TASP1: variants seen among roughly 807,000 people sequenced by gnomAD.
TASP1 encodes threonine aspartase 1.
A neutral mutation model predicts 56.6 loss-of-function variants in TASP1; 16 were observed. The observed-to-expected ratio is 0.28, with a 90% CI of 0.19 to 0.43. The LOEUF is 0.43. TASP1 is among the 20% of genes least tolerant of loss of function. The probability of loss-of-function intolerance (pLI) is 1.00; values close to 1 mark genes in which losing one functional copy is unlikely to be tolerated. For synonymous variants in TASP1, 179 were observed against 184.2 expected (o/e 0.97, Z 0.23); for missense variants, 393 against 511.6 (o/e 0.77, Z 2.24).
chr20:13,419,072 A>T (rs1216072987), intron 12 of TASP1, among the ~76,000 whole-genome samples: 3 of 152,228 alleles, frequency 2.0e-5, no homozygotes, highest in Non-Finnish European at 4.4e-5. Context: ...AAGTTGGAAA[A>T]GGGACTCTGG....
the TASP1 span, among the ~76,000 whole-genome samples, chr20:13,173,918 T>G: frequency 1.3e-5 from 2 of 152,320 alleles, no homozygotes; most frequent in South Asian, 4.1e-4. Flanking sequence ...GCACCTTCCC[T>G]GATGCATGTT....
In TASP1 at chr20:13,424,876, C is replaced by T. The variant is rs373953436; in HGVS notation, c.1097-7355G>A. ...AGGTTTAACATGTGAAACATAGACA[C>T]AGAGATTTGGCACAATTCTTCTCCA... On this transcript the variant is annotated intron_variant, in intron 12 of 13. Transcript: ENST00000337743. 3.3e-5 allele frequency among the ~76,000 whole-genome samples: 5 copies of T among 152,160 alleles called. No homozygotes were observed. The East Asian group carries it at 5.8e-4, about 18-fold the overall frequency.
At chr20:13,605,564 C>T (rs1168759042) in intron 4 of TASP1, among the ~76,000 whole-genome samples, 3 of 151,922 alleles carry the variant, frequency 2.0e-5, no homozygotes, top group African/African-American at 7.3e-5. Flanking sequence ...CCTGTAGTCC[C>T]AGCTGCTCGG....
intron 5 of TASP1, among the ~76,000 whole-genome samples, chr20:13,581,532 T>A (rs1266098039): frequency 6.6e-6 from 1 of 151,998 alleles, no homozygotes; most frequent in Non-Finnish European, 1.5e-5. Context: ...TGGGTAAGGG[T>A]GGGAGAAGAG....
At chr20:13,298,764 G>T in the TASP1 span, among the ~76,000 whole-genome samples, 94,679 of 151,992 alleles carry the variant, frequency 0.62, 30,455 homozygotes, top group African/African-American at 0.8. Flanking sequence ...TTCTGATGGT[G>T]CCAGGGGGCT....
chr20:13,217,665 A>G, the TASP1 span, among the ~76,000 whole-genome samples: 2 of 152,332 alleles, frequency 1.3e-5, no homozygotes, highest in Non-Finnish European at 2.9e-5. Flanking sequence ...ACTCCTAGGA[A>G]AGGTAATCTA....
chr20:13,250,590 C>G, the TASP1 span, among the ~76,000 whole-genome samples: 1 of 152,156 alleles, frequency 6.6e-6, no homozygotes, highest in Non-Finnish European at 1.5e-5. Context: ...GGACCCTTCC[C>G]CAGACTCCCT....
intron 4 of TASP1, among the ~76,000 whole-genome samples, chr20:13,598,114 A>G (rs530154809): frequency 2.8e-3 from 426 of 152,324 alleles, no homozygotes; most frequent in African/African-American, 9.7e-3. Context: ...TGCCCAAGGT[A>G]ATTTATAGAT....
At chr20:13,343,528 G>GCGGTTCCAC in the TASP1 span, among the ~76,000 whole-genome samples, 1,884 of 152,158 alleles carry the variant, frequency 0.012, 36 homozygotes, top group African/African-American at 0.039. Context: ...CCTGCAGGCT[G>GCGGTTCCAC]CGGTTCCACC....
chr20:13,213,850 T>A, the TASP1 span, among the ~76,000 whole-genome samples: 1 of 152,034 alleles, frequency 6.6e-6, no homozygotes, highest in Non-Finnish European at 1.5e-5. Context: ...TAATCCGAAA[T>A]TAATCCTAGA....
At chr20:13,246,973 G>T in the TASP1 span, among the ~76,000 whole-genome samples, 5,527 of 152,066 alleles carry the variant, frequency 0.036, 173 homozygotes, top group African/African-American at 0.077. Flanking sequence ...CAGTGGCTCA[G>T]GCCTGTAATC....
the TASP1 span, among the ~76,000 whole-genome samples, chr20:13,293,698 G>A: frequency 6.6e-6 from 1 of 152,188 alleles, no homozygotes; most frequent in Non-Finnish European, 1.5e-5. Flanking sequence ...AATGGTCTGG[G>A]CACAGTGACT....
chr20:13,603,815 G>T (rs986468099), intron 4 of TASP1, among the ~76,000 whole-genome samples: 2 of 151,960 alleles, frequency 1.3e-5, no homozygotes, highest in Non-Finnish European at 2.9e-5. Flanking sequence ...TTTTCAACTG[G>T]GCTAGACTTT....
chr20:13,316,139 A>C, the TASP1 span, among the ~76,000 whole-genome samples: 15 of 152,084 alleles, frequency 9.9e-5, no homozygotes, highest in Admixed American at 2.6e-4. Context: ...GGACATTAAA[A>C]GGATAATAAA....
intron 9 of TASP1, among the ~76,000 whole-genome samples, chr20:13,531,352 TGTGGGG>T (rs2045210059): frequency 6.6e-6 from 1 of 152,062 alleles, no homozygotes; most frequent in African/African-American, 2.4e-5. Context: ...CGCCTATTTG[TGTGGGG>T]GTGGGGTGAG....
chr20:13,583,447 T>C (rs77422526), intron 5 of TASP1, among the ~76,000 whole-genome samples: 354 of 152,354 alleles, frequency 2.3e-3, no homozygotes, highest in Non-Finnish European at 4.0e-3. Context: ...CTAGGATACA[T>C]TTTTGAGTTC....
chr20:13,367,574 A>C, the TASP1 span, among the ~76,000 whole-genome samples: 1 of 152,264 alleles, frequency 6.6e-6, no homozygotes, highest in Non-Finnish European at 1.5e-5. Context: ...CTGCAGCATC[A>C]AAATGGCTTC....
chr20:13,104,948 A>T, the TASP1 span, among the ~76,000 whole-genome samples: 1 of 152,092 alleles, frequency 6.6e-6, no homozygotes, highest in Non-Finnish European at 1.5e-5. Flanking sequence ...CCTACTTCTC[A>T]GAGGTGTCAT....
chr20:13,609,977 TA>T (rs1319015131), intron 4 of TASP1, among the ~76,000 whole-genome samples: 1 of 152,108 alleles, frequency 6.6e-6, no homozygotes, highest in East Asian at 1.9e-4. Context: ...GAACAAACTT[TA>T]AAAACATTAT....
Sources: gnomAD v4.1 joint callset for allele counts (sites outside exome capture counted in the v4.1 genomes callset) on GRCh38, gnomAD v4.1.1 for gene constraint, MANE v1.5 for transcripts, NCBI Gene and HGNC (gene_info 2026-07-23, HGNC 2026-07-21) for gene names.